Variants in NFE2L3 observed in about 807,000 individuals in gnomAD.
The protein encoded by NFE2L3 is nuclear factor erythroid 2-related factor 3.
Under a neutral mutation model 23.5 loss-of-function variants are expected in NFE2L3, and 18 were observed. The observed-to-expected ratio is 0.77, with a 90% CI of 0.53 to 1.13. The LOEUF (loss-of-function observed/expected upper bound fraction) is 1.13, where lower values mean the gene tolerates loss of function less well. Among genes scored for constraint, NFE2L3 ranks in the 50% most tolerant of loss-of-function variants. The pLI is 0.00. For synonymous variants in NFE2L3, 424 were observed against 354.5 expected, an observed-to-expected ratio of 1.20 and a Z score of -2.20; for missense variants, 1,152 against 877.2, an observed-to-expected ratio of 1.31 and a Z score of -3.96.
intron 1 of NFE2L3, among the ~76,000 whole-genome samples, chr7:26,163,604 C>T (rs1419768325): frequency 6.6e-6 from 1 of 152,212 alleles, no homozygotes; most frequent in Non-Finnish European, 1.5e-5. Flanking sequence ...ACCTCAGCCT[C>T]CCAAAGTGCT....
chr7:26,156,618 AGAAAT>A (rs779819832), intron 1 of NFE2L3, among the ~76,000 whole-genome samples: 5 of 152,250 alleles, frequency 3.3e-5, no homozygotes, highest in Non-Finnish European at 5.9e-5. Flanking sequence ...GGTTAAACAA[AGAAAT>A]GAACAGTTTT....
Position 26,185,814 on chromosome 7 carries a change from A to T in NFE2L3, c.*31A>T. The stretch of plus-strand genomic sequence containing the variant: ...AACTGAAGATGGACTCTATTATGTG[A>T]AGTAGTAATGTTCAGAAACTGATTA... On this transcript the variant is annotated 3_prime_UTR_variant, in exon 4 of 4. Transcript: ENST00000056233. The T allele has an allele frequency of 1.3e-6, 2 of 1,530,790 alleles. No homozygotes were observed. The highest frequency in any genetic ancestry group is 1.8e-6 in the Non-Finnish European group (2 of 1,139,032). The allele number at this position is 1,530,790 out of a possible 1,614,324, so 94.8% of individuals were successfully genotyped here.
At chr7:26,177,495 G>A (rs930681912) in intron 1 of NFE2L3, among the ~76,000 whole-genome samples, 1 of 152,202 alleles carries the variant, frequency 6.6e-6, no homozygotes, top group Non-Finnish European at 1.5e-5. Flanking sequence ...CACTGGGCGG[G>A]CCGAGGCAGG....
chr7:26,156,726 TGTA>T (rs1344349993), intron 1 of NFE2L3, among the ~76,000 whole-genome samples: 8 of 152,290 alleles, frequency 5.3e-5, no homozygotes, highest in Admixed American at 4.6e-4. Context: ...TGAGAGGGCT[TGTA>T]GTCATTTTGA....
At chr7:26,158,439 A>G (rs1443772303) in intron 1 of NFE2L3, among the ~76,000 whole-genome samples, 1 of 152,108 alleles carries the variant, frequency 6.6e-6, no homozygotes, top group East Asian at 1.9e-4. Flanking sequence ...TCCTTCCATC[A>G]ATTCTTGGGG....
At chr7:26,176,307 A>G (rs1336751534) in intron 1 of NFE2L3, among the ~76,000 whole-genome samples, 2 of 151,500 alleles carry the variant, frequency 1.3e-5, no homozygotes, top group African/African-American at 4.8e-5. Flanking sequence ...TTTTCCCCAC[A>G]TTTCCCCCTT....
At position 26,185,618 on chromosome 7, in the gene NFE2L3, C is replaced by G. The variant is rs1782464335; in HGVS notation, c.1920C>G (p.Asp640Glu). 3 of 1,613,706 alleles carry G rather than the reference C, an allele frequency of 1.9e-6. No homozygotes were observed. Among genetic ancestry groups the G allele is most frequent in the Non-Finnish European group, 2.5e-6 (3 of 1,179,812 alleles). Residue 640 changes from aspartate (D) to glutamate (E), a missense_variant, in exon 4 of 4, where the codon GAC becomes GAG. By Grantham distance (45) the Asp-to-Glu change is conservative. Transcript: ENST00000056233. ...ACATAATGAAACAGAAACTGCATGA[C>G]CTTTATCATGATATTTTTAGTAGAT... ...AINIMKQKLH[D>E]LYHDIFSRLR...
Position 26,152,844 on chromosome 7 carries a change from G to A in NFE2L3, c.346G>A (p.Val116Met), listed in dbSNP as rs765286795. 935 of 1,474,794 alleles carry A rather than the reference G, an allele frequency of 6.3e-4. 1 individual carries two copies. The highest frequency in any genetic ancestry group is 1.5e-3 in the Admixed American group (61 of 41,642). The allele number at this position is 1,474,794 out of a possible 1,614,324, so 91.4% of individuals were successfully genotyped here. ...TSVDAWLVHS[V>M]AAGSADEAHG... ...CGTGGATGCATGGCTGGTGCACAGCGTGGCTGCCGGGAGCGCGGACGAGGC... is the reference window on the plus strand; with the variant it reads ...CGTGGATGCATGGCTGGTGCACAGCATGGCTGCCGGGAGCGCGGACGAGGC... Residue 116 changes from valine to methionine, a missense_variant, in exon 1 of 4, where the codon GTG becomes ATG. Physicochemically the swap from Val to Met is conservative, Grantham distance 21. Transcript: ENST00000056233. This position sits in a 1 kb window ranked among gnomAD's most constrained non-coding sequence, Gnocchi z 4.4.
intron 1 of NFE2L3, among the ~76,000 whole-genome samples, chr7:26,166,136 C>CGG (rs5883018): frequency 7.6e-6 from 1 of 131,078 alleles, no homozygotes; most frequent in African/African-American, 2.7e-5. Flanking sequence ...GCGGGTGGGG[C>CGG]GGGGGGGAAA....
In NFE2L3 at chr7:26,184,840, T is replaced by G. The variant is rs373096617; in HGVS notation, c.1142T>G (p.Leu381Arg). 34 of 1,613,996 alleles carry G rather than the reference T, an allele frequency of 2.1e-5. No homozygotes were observed. The African/African-American group carries it at 4.1e-4, about 20-fold the overall frequency. Residue 381 changes from leucine to arginine, a missense_variant, in exon 4 of 4, where the codon CTG (leucine) becomes CGG (arginine). By Grantham distance (102) the Leu-to-Arg change is moderately radical. Transcript: ENST00000056233. ...HMRNLTSQDL[L>R]YDLDINIFDE... is the part of the protein sequence containing the mutation. ...AGGAATCTAACAAGCCAAGACCTAC[T>G]GTATGACCTTGACATAAATATATTT...
intron 1 of NFE2L3, among the ~76,000 whole-genome samples, chr7:26,168,614 C>T (rs1357907032): frequency 1.3e-5 from 2 of 150,608 alleles, no homozygotes; most frequent in African/African-American, 4.9e-5. Context: ...TCTTTATCCA[C>T]TCATTGATTG....
chr7:26,160,849 C>T (rs1784155534), intron 1 of NFE2L3, among the ~76,000 whole-genome samples: 1 of 152,208 alleles, frequency 6.6e-6, no homozygotes, highest in South Asian at 2.1e-4. Context: ...ATCACGCCAT[C>T]CAGCTCCACC....
At chr7:26,180,274 C>T (rs1465096269) in intron 2 of NFE2L3, among the ~76,000 whole-genome samples, 1 of 152,112 alleles carries the variant, frequency 6.6e-6, no homozygotes, top group Non-Finnish European at 1.5e-5. Context: ...AGAGCACACC[C>T]CAAGGAACCC....
In NFE2L3 at chr7:26,185,174, A is replaced by G. The variant is rs756380692; in HGVS notation, c.1476A>G (p.Gln492=). ...ATTTCCATGGAGATCTTACATTTCA[A>G]CACGTATTTCATAACCACACTTACC... The part of the protein sequence containing the change: ...DSDFHGDLTF[Q]HVFHNHTYHL... The change falls in exon 4 of 4, where the codon CAA becomes CAG. Residue 492 remains glutamine, a synonymous_variant. Coordinates refer to ENST00000056233, the MANE Select transcript of NFE2L3 (RefSeq NM_004289.7). The G allele has an allele frequency of 6.2e-7, 1 of 1,613,820 alleles. No homozygotes were observed. Among genetic ancestry groups the G allele is most frequent in the Non-Finnish European group, 8.5e-7 (1 of 1,179,838 alleles).
chr7:26,166,386 G>A (rs1407706771), intron 1 of NFE2L3, among the ~76,000 whole-genome samples: 3 of 152,166 alleles, frequency 2.0e-5, no homozygotes, highest in Non-Finnish European at 4.4e-5. Context: ...CCAGCTGGAA[G>A]CCAGCCAGCA....
Position 26,178,111 on chromosome 7 carries a change from T to C in NFE2L3, c.739T>C (p.Ser247Pro). The C allele has an allele frequency of 1.2e-6, 2 of 1,612,920 alleles. No individual in the cohort carries two copies. Among genetic ancestry groups the C allele is most frequent in the South Asian group, 1.1e-5 (1 of 90,698 alleles). The change falls in exon 2 of 4, where the codon TCT becomes CCT. Residue 247 changes from serine to proline, a missense_variant. By Grantham distance (74) the Ser-to-Pro change is moderately conservative. Coordinates refer to ENST00000056233, the MANE Select transcript of NFE2L3 (RefSeq NM_004289.7). ...CTGGGAGGCAGAAAAGACCACTGAA[T>C]CTAGAAATGAGGTAAGCCTGTCAGA... ...PDWEAEKTTESRNERHLNGTD... is the reference protein window; with the variant it reads ...PDWEAEKTTEPRNERHLNGTD...
chr7:26,166,993 A>T (rs538502310), intron 1 of NFE2L3, among the ~76,000 whole-genome samples: 3 of 152,276 alleles, frequency 2.0e-5, no homozygotes, highest in African/African-American at 7.2e-5. Context: ...TCAGGGGCAA[A>T]CCCTCTACCA....
rs778619296 is a variant in NFE2L3, at chr7:26,185,743, C to T, written c.2045C>T (p.Ser682Leu). ...ATAGTACCCAAAGAACTGGTGGCCT[C>T]AGGCCACAAAAAGGAAACCCAAAAG... Reference protein sequence around the residue: ...ILIVPKELVASGHKKETQKGK... With the variant: ...ILIVPKELVALGHKKETQKGK... Residue 682 changes from serine to leucine, a missense_variant, in exon 4 of 4, where the codon TCA becomes TTA. Coordinates refer to ENST00000056233, the MANE Select transcript of NFE2L3 (RefSeq NM_004289.7). 4.7e-5 allele frequency: 75 copies of T among 1,588,682 alleles called. No individual in the cohort carries two copies. Among genetic ancestry groups the T allele is most frequent in the Non-Finnish European group, 6.0e-5 (71 of 1,173,728 alleles).
chr7:26,182,777 A>AGTAAAT (rs993931863), intron 2 of NFE2L3, among the ~76,000 whole-genome samples: 11 of 152,128 alleles, frequency 7.2e-5, no homozygotes, highest in Admixed American at 2.6e-4. Context: ...AACAAATTGG[A>AGTAAAT]GTAAATGTAA....
Sources: gnomAD v4.1 joint callset for allele counts (sites outside exome capture counted in the v4.1 genomes callset) on GRCh38, gnomAD v4.1.1 for gene constraint, Gnocchi (gnomAD v3.1) non-coding constraint, MANE v1.5 for transcripts, NCBI Gene and HGNC (gene_info 2026-07-23, HGNC 2026-07-21) for gene names.